CASD1: variants seen among roughly 807,000 people sequenced by gnomAD.
CASD1 encodes the protein CAS1 domain sialic acid O acetyltransferase 1, also known as N-acetylneuraminate (7)9-O-acetyltransferase.
In CASD1, 41 loss-of-function variants were observed where a neutral mutation model predicts 100.0. The ratio of observed to expected loss-of-function variants is 0.41; its 90% CI spans 0.32 to 0.53. CASD1 has a LOEUF of 0.53. Among genes scored for constraint, CASD1 ranks in the 20% least tolerant of loss-of-function variants. CASD1 has a pLI of 0.25. For synonymous variants in CASD1, 321 were observed against 315.6 expected, an observed-to-expected ratio of 1.02 and a Z score of -0.18; for missense variants, 774 against 948.7, an observed-to-expected ratio of 0.82 and a Z score of 2.42.
the CASD1 span, among the ~76,000 whole-genome samples, chr7:94,569,295 A>G: frequency 3.3e-5 from 5 of 152,318 alleles, no homozygotes; most frequent in Admixed American, 6.5e-5. Context: ...GATAATTGTA[A>G]TTGGAACTAA....
At chr7:94,523,449 G>T in intron 3 of CASD1, among the ~76,000 whole-genome samples, 1 of 152,084 alleles carries the variant, frequency 6.6e-6, no homozygotes, top group Non-Finnish European at 1.5e-5. Context: ...AAAATATACC[G>T]TGTGCAATGG....
the CASD1 span, among the ~76,000 whole-genome samples, chr7:94,611,024 G>T: frequency 6.6e-6 from 1 of 152,284 alleles, no homozygotes; most frequent in Non-Finnish European, 1.5e-5. Flanking sequence ...ATATGGAAAA[G>T]TTGGAACTCT....
intron 7 of CASD1, among the ~76,000 whole-genome samples, chr7:94,534,779 T>C (rs774203180): frequency 1.3e-5 from 2 of 152,182 alleles, no homozygotes; most frequent in Non-Finnish European, 2.9e-5. Flanking sequence ...CACAGACTCA[T>C]TGTTAACCTT....
chr7:94,524,747 TAGTA>T (rs555818129), intron 3 of CASD1, among the ~76,000 whole-genome samples: 257 of 152,268 alleles, frequency 1.7e-3, no homozygotes, highest in African/African-American at 5.9e-3. Flanking sequence ...TCTACAAAAA[TAGTA>T]AGTATGATAC....
chr7:94,625,446 G>A, the CASD1 span: 8 of 151,848 alleles, frequency 5.3e-5, no homozygotes. Flanking sequence ...CACTCACAAT[G>A]AACTCTTATG....
intron 3 of CASD1, among the ~76,000 whole-genome samples, chr7:94,519,712 G>A (rs1420007285): frequency 1.3e-5 from 2 of 151,778 alleles, no homozygotes; most frequent in African/African-American, 2.4e-5. Context: ...TCACTATTTC[G>A]CCCAAGCTGG....
the CASD1 span, chr7:94,620,446 A>T: frequency 6.6e-6 from 1 of 152,204 alleles, no homozygotes; most frequent in East Asian, 1.9e-4. Context: ...ATATGCAAAT[A>T]AATTTCGTTT....
chr7:94,579,185 C>T, the CASD1 span, among the ~76,000 whole-genome samples: 1 of 150,312 alleles, frequency 6.7e-6, no homozygotes, highest in Admixed American at 6.6e-5. Context: ...ATGAAAGGGC[C>T]CTGATACTCA....
At chr7:94,604,017 T>TG in the CASD1 span, among the ~76,000 whole-genome samples, 1 of 152,168 alleles carries the variant, frequency 6.6e-6, no homozygotes, top group Non-Finnish European at 1.5e-5. Flanking sequence ...TAGAAGGCCT[T>TG]GCAATCTTTT....
the CASD1 span, chr7:94,600,902 A>C: frequency 1.4e-6 from 2 of 1,454,138 alleles, no homozygotes; most frequent in Non-Finnish European, 1.9e-6. Flanking sequence ...ATCGTTGCAA[A>C]CATTATGAGA....
chr7:94,511,282 G>A (rs1467030172), intron 1 of CASD1, among the ~76,000 whole-genome samples: 1 of 152,142 alleles, frequency 6.6e-6, no homozygotes, highest in Non-Finnish European at 1.5e-5. Context: ...CGCTGTGCCC[G>A]TTTAAATTTA....
the CASD1 span, among the ~76,000 whole-genome samples, chr7:94,633,065 A>G: frequency 6.6e-6 from 1 of 152,030 alleles, no homozygotes; most frequent in Non-Finnish European, 1.5e-5. Flanking sequence ...TGAAATATAC[A>G]TGTGTACAGT....
intron 3 of CASD1, 29 bp downstream of exon 3, chr7:94,518,352 G>A (rs1299378237): frequency 1.3e-6 from 2 of 1,538,564 alleles, no homozygotes; most frequent in Non-Finnish European, 8.8e-7. Flanking sequence ...CTTCTGTAGA[G>A]TGTTTTAGAA....
At chr7:94,633,447 G>A in the CASD1 span, among the ~76,000 whole-genome samples, 1 of 152,000 alleles carries the variant, frequency 6.6e-6, no homozygotes, top group South Asian at 2.1e-4. Context: ...TCATTATCTC[G>A]CTCTCCCTAA....
chr7:94,615,483 G>A, the CASD1 span, among the ~76,000 whole-genome samples: 1 of 151,996 alleles, frequency 6.6e-6, no homozygotes, highest in Admixed American at 6.6e-5. Flanking sequence ...ACTGAAATTG[G>A]CCCAGGATCA....
the CASD1 span, among the ~76,000 whole-genome samples, chr7:94,602,331 A>G: frequency 3.3e-5 from 5 of 152,178 alleles, no homozygotes; most frequent in Admixed American, 3.3e-4. Context: ...GACAAGAGGC[A>G]TGAGAAGGAG....
the CASD1 span, among the ~76,000 whole-genome samples, chr7:94,586,109 T>C: frequency 6.7e-6 from 1 of 150,060 alleles, no homozygotes; most frequent in Non-Finnish European, 1.5e-5. Flanking sequence ...AGATATACTT[T>C]CCCCTGATAA....
rs1157813590 is a variant in CASD1 at position 94,510,207 on chromosome 7, C to A, written c.123C>A (p.Arg41=). 5 of 1,510,862 alleles carry A rather than the reference C, an allele frequency of 3.3e-6. No individual in the cohort carries two copies. Among genetic ancestry groups the A allele is most frequent in the African/African-American group, 1.4e-5 (1 of 69,448 alleles). 93.6% of individuals were successfully genotyped at this position (1,510,862 alleles called of 1,614,324 possible). ...LLLAACHLAS[R]RYRGNDSCEY... Reference sequence around the variant, plus strand: ...TCGCAGCGTGCCACCTCGCCTCCCGCCGCTACCGAGGTGAGCGGGCCCTCC... The same window carrying A: ...TCGCAGCGTGCCACCTCGCCTCCCGACGCTACCGAGGTGAGCGGGCCCTCC... The change falls in exon 1 of 18, where the codon CGC becomes CGA. Residue 41 remains arginine, a synonymous_variant. Transcript: ENST00000297273.
intron 15 of CASD1, 140 bp from the exon 16 acceptor site, chr7:94,552,210 A>G: frequency 1.6e-6 from 1 of 631,296 alleles, no homozygotes; most frequent in Non-Finnish European, 2.7e-6. Context: ...CAAACTTGCA[A>G]GCAGTTTTTA....
Sources: gnomAD v4.1 joint callset for allele counts (sites outside exome capture counted in the v4.1 genomes callset) on GRCh38, gnomAD v4.1.1 for gene constraint, MANE v1.5 for transcripts, NCBI Gene and HGNC (gene_info 2026-07-23, HGNC 2026-07-21) for gene names.